PIP4P2: variants seen among roughly 807,000 people sequenced by gnomAD.
PIP4P2 encodes the protein phosphatidylinositol-4,5-bisphosphate 4-phosphatase 2.
In PIP4P2, 19 loss-of-function variants were observed where a neutral mutation model predicts 33.3. The ratio of observed to expected loss-of-function variants is 0.57; its 90% CI spans 0.40 to 0.84. The LOEUF is 0.84. Among genes scored for constraint, PIP4P2 ranks in the 40% least tolerant of loss-of-function variants. PIP4P2 has a pLI of 0.00. For missense variants in PIP4P2, 270 were observed against 324.7 expected (o/e 0.83, Z 1.29); for synonymous variants, 110 against 111.9 (o/e 0.98, Z 0.11).
chr8:91,024,497 C>T (rs1586183533), intron 1 of PIP4P2: 1 of 258,294 alleles, frequency 3.9e-6, no homozygotes, highest in East Asian at 1.0e-4. Flanking sequence ...AATCATAGCT[C>T]AATACAGTCT....
rs1811908064 is a variant in PIP4P2 at position 91,015,807 on chromosome 8, T to C, written c.486+2583A>G. Among the ~76,000 whole-genome samples, 2 of 152,150 alleles carry C rather than the reference T, an allele frequency of 1.3e-5. 1 individual carries two copies. Among genetic ancestry groups the C allele is most frequent in the South Asian group, 4.1e-4 (2 of 4,832 alleles). Reference sequence around the variant, plus strand: ...TATTTGTCTTGATTGGCTAACACCTTAGAACTTTCTAAAAGAGGCAAAGGC... The same window carrying C: ...TATTTGTCTTGATTGGCTAACACCTCAGAACTTTCTAAAAGAGGCAAAGGC... On this transcript the variant is annotated intron_variant, in intron 4 of 6. Transcript: ENST00000285419.
intron 5 of PIP4P2, among the ~76,000 whole-genome samples, chr8:91,004,166 G>A (rs763952042): frequency 6.6e-6 from 1 of 152,148 alleles, no homozygotes; most frequent in African/African-American, 2.4e-5. Flanking sequence ...AGCCAATGGC[G>A]TAATTCTCAG....
At chr8:91,005,770 A>G (rs1013642485) in intron 5 of PIP4P2, among the ~76,000 whole-genome samples, 10 of 152,254 alleles carry the variant, frequency 6.6e-5, no homozygotes, top group African/African-American at 2.2e-4. Flanking sequence ...ATATTCAATG[A>G]TAATTGTCAT....
At chr8:91,018,282 T>G in intron 4 of PIP4P2, 108 bp downstream of exon 4, 2 of 1,515,342 alleles carry the variant, frequency 1.3e-6, no homozygotes, top group Non-Finnish European at 1.8e-6. Flanking sequence ...TATTTTAATA[T>G]TTTGATTAAT....
chr8:91,034,053 C>T lies in PIP4P2; in HGVS notation c.106+6591G>A, dbSNP rs115492689. Among the ~76,000 whole-genome samples, 260 of 151,672 alleles carry T rather than the reference C, an allele frequency of 1.7e-3. 1 individual carries two copies. Among genetic ancestry groups the T allele is most frequent in the African/African-American group, 6.1e-3 (253 of 41,496 alleles). ...GATCCAACTCATGTTTCAGGTCTCT[C>T]GGTGATTGCTATCTCTGAGTTGTCT... On this transcript the variant is annotated intron_variant, in intron 1 of 6. Coordinates refer to ENST00000285419, the MANE Select transcript of PIP4P2 (RefSeq NM_018710.3).
rs750006300 is a variant in PIP4P2 at position 90,996,643 on chromosome 8, G to A, written c.630+11C>T. Reference sequence around the variant, plus strand: ...GAGGACAGAATTCTAACATCAAAGTGTAACACTCACAGTTAACCCAACTCC... The same window carrying A: ...GAGGACAGAATTCTAACATCAAAGTATAACACTCACAGTTAACCCAACTCC... On this transcript the variant is annotated intron_variant, in intron 6 of 6. Coordinates refer to ENST00000285419, the MANE Select transcript of PIP4P2 (RefSeq NM_018710.3). The A allele has an allele frequency of 1.9e-6, 3 of 1,599,246 alleles. No individual in the cohort carries two copies. Among genetic ancestry groups the A allele is most frequent in the Non-Finnish European group, 2.6e-6 (3 of 1,170,926 alleles).
chr8:91,006,120 GA>G (rs1274280616), intron 5 of PIP4P2, among the ~76,000 whole-genome samples: 1 of 151,958 alleles, frequency 6.6e-6, no homozygotes, highest in Admixed American at 6.6e-5. Flanking sequence ...TGTGTTTAAA[GA>G]AAAAAAATTC....
chr8:91,028,164 C>T (rs1325123403), intron 1 of PIP4P2, among the ~76,000 whole-genome samples: 1 of 152,076 alleles, frequency 6.6e-6, no homozygotes, highest in African/African-American at 2.4e-5. Flanking sequence ...TTGAAATTAG[C>T]CTAGGATTGA....
chr8:90,998,966 T>C (rs1811665397), intron 5 of PIP4P2, among the ~76,000 whole-genome samples: 1 of 151,902 alleles, frequency 6.6e-6, no homozygotes, highest in Non-Finnish European at 1.5e-5. Context: ...CAAAGGAAAC[T>C]ATCAACAGGG....
chr8:91,007,717 T>C (rs1811781110), intron 5 of PIP4P2, among the ~76,000 whole-genome samples: 1 of 152,216 alleles, frequency 6.6e-6, no homozygotes. Context: ...GGCCCTTAGC[T>C]GGCATCTAGA....
At chr8:91,006,003 AG>A (rs1175900271) in intron 5 of PIP4P2, among the ~76,000 whole-genome samples, 1 of 152,226 alleles carries the variant, frequency 6.6e-6, no homozygotes, top group East Asian at 1.9e-4. Context: ...TTGGAGCTCT[AG>A]GGGAAGCTTT....
At chr8:91,031,137 G>A (rs1168442166) in intron 1 of PIP4P2, among the ~76,000 whole-genome samples, 1 of 152,198 alleles carries the variant, frequency 6.6e-6, no homozygotes, top group African/African-American at 2.4e-5. Flanking sequence ...AGGGATGGTA[G>A]CAAATCCAAA....
intron 4 of PIP4P2, among the ~76,000 whole-genome samples, chr8:91,016,939 T>C (rs895817460): frequency 1.3e-5 from 2 of 152,140 alleles, no homozygotes; most frequent in African/African-American, 4.8e-5. Flanking sequence ...TCCAAGAAAA[T>C]GTTAAAATGC....
At chr8:91,007,194 T>G (rs1045594978) in intron 5 of PIP4P2, among the ~76,000 whole-genome samples, 1 of 152,208 alleles carries the variant, frequency 6.6e-6, no homozygotes, top group African/African-American at 2.4e-5. Context: ...TAAGGGTTTA[T>G]CCACTTTGCT....
chr8:91,031,587 C>T (rs1446376769), intron 1 of PIP4P2, among the ~76,000 whole-genome samples: 1 of 152,176 alleles, frequency 6.6e-6, no homozygotes, highest in Non-Finnish European at 1.5e-5. Flanking sequence ...AAAAATTTTG[C>T]CATTGCCTTT....
At chr8:91,028,852 A>G (rs1003919660) in intron 1 of PIP4P2, among the ~76,000 whole-genome samples, 1 of 152,226 alleles carries the variant, frequency 6.6e-6, no homozygotes, top group African/African-American at 2.4e-5. Flanking sequence ...AGGCCGCTGT[A>G]TGAGCTCTAG....
chr8:91,032,229 G>C (rs1451764923), intron 1 of PIP4P2, among the ~76,000 whole-genome samples: 1 of 152,090 alleles, frequency 6.6e-6, no homozygotes, highest in Non-Finnish European at 1.5e-5. Flanking sequence ...CATGCTTTTT[G>C]CTTTTTTCAC....
intron 5 of PIP4P2, among the ~76,000 whole-genome samples, chr8:90,997,210 AAT>A (rs1203765443): frequency 6.6e-6 from 1 of 152,070 alleles, no homozygotes; most frequent in African/African-American, 2.4e-5. Context: ...AATATCATAA[AAT>A]AGTCACTCAG....
At chr8:90,996,344 C>T (rs1426389631) in intron 6 of PIP4P2, among the ~76,000 whole-genome samples, 3 of 151,910 alleles carry the variant, frequency 2.0e-5, no homozygotes, top group Admixed American at 1.3e-4. Context: ...ATAAGAGACC[C>T]CATAGCCATA....
Sources: gnomAD v4.1 joint callset for allele counts (sites outside exome capture counted in the v4.1 genomes callset) on GRCh38, gnomAD v4.1.1 for gene constraint, MANE v1.5 for transcripts, NCBI Gene and HGNC (gene_info 2026-07-23, HGNC 2026-07-21) for gene names.